MIPOL1: variants seen among roughly 807,000 people sequenced by gnomAD.
MIPOL1 encodes the protein mirror-image polydactyly 1.
In MIPOL1, 57 loss-of-function variants were observed where a neutral mutation model predicts 60.9. The observed-to-expected ratio is 0.94, with a 90% CI of 0.76 to 1.17. MIPOL1 has a LOEUF of 1.17. Among genes scored for constraint, MIPOL1 ranks in the 50% most tolerant of loss-of-function variants. The probability of loss-of-function intolerance (pLI) is 0.00; values close to 1 mark genes in which losing one functional copy is unlikely to be tolerated. For synonymous variants in MIPOL1, 179 were observed against 168.8 expected (o/e 1.06, Z -0.47); for missense variants, 551 against 511.6 (o/e 1.08, Z -0.74).
At chr14:37,217,844 C>A (rs1377200120) in intron 1 of MIPOL1, among the ~76,000 whole-genome samples, 1 of 152,136 alleles carries the variant, frequency 6.6e-6, no homozygotes, top group Non-Finnish European at 1.5e-5. Context: ...TAAGGATGCC[C>A]ACTTTCACCA....
intron 10 of MIPOL1, among the ~76,000 whole-genome samples, chr14:37,418,945 A>G (rs1424276624): frequency 6.6e-6 from 1 of 152,108 alleles, no homozygotes; most frequent in African/African-American, 2.4e-5. Flanking sequence ...ATATATCTAT[A>G]TATAGTGTAA....
chr14:37,341,184 A>G (rs1332828778), intron 9 of MIPOL1, among the ~76,000 whole-genome samples: 2 of 152,232 alleles, frequency 1.3e-5, no homozygotes, highest in Non-Finnish European at 2.9e-5. Flanking sequence ...GTATTAACCA[A>G]AATGTGACAC....
chr14:37,481,778 A>G (rs2094875211), intron 11 of MIPOL1, among the ~76,000 whole-genome samples: 2 of 152,160 alleles, frequency 1.3e-5, no homozygotes, highest in Non-Finnish European at 2.9e-5. Flanking sequence ...CCAGAAATGA[A>G]CGCTCATATA....
At chr14:37,292,464 A>AATTTTT (rs2085178552) in intron 7 of MIPOL1, among the ~76,000 whole-genome samples, 1 of 82,100 alleles carries the variant, frequency 1.2e-5, no homozygotes, top group Non-Finnish European at 2.4e-5. Context: ...TCCTTAATAA[A>AATTTTT]CTTTTTTTTT....
At chr14:37,483,352 C>A (rs1034926561) in intron 11 of MIPOL1, among the ~76,000 whole-genome samples, 1 of 151,844 alleles carries the variant, frequency 6.6e-6, no homozygotes, top group Non-Finnish European at 1.5e-5. Flanking sequence ...TGGGCTCAAG[C>A]GATCGAACTG....
intron 12 of MIPOL1, among the ~76,000 whole-genome samples, chr14:37,516,862 A>G (rs907623363): frequency 2.6e-5 from 4 of 152,152 alleles, no homozygotes; most frequent in African/African-American, 7.2e-5. Flanking sequence ...GAACCAAACA[A>G]ATGAAGCTTT....
At chr14:37,406,938 G>A (rs984970524) in intron 10 of MIPOL1, among the ~76,000 whole-genome samples, 4 of 152,070 alleles carry the variant, frequency 2.6e-5, no homozygotes, top group South Asian at 2.1e-4. Flanking sequence ...GTAAAGTAAC[G>A]GGCATCTAAC....
intron 11 of MIPOL1, among the ~76,000 whole-genome samples, chr14:37,450,027 G>A (rs2094395007): frequency 6.6e-6 from 1 of 152,116 alleles, no homozygotes; most frequent in Admixed American, 6.6e-5. Flanking sequence ...TGGCCAGGCT[G>A]GTCTCGAACT....
At chr14:37,470,370 G>A (rs1176790494) in intron 11 of MIPOL1, among the ~76,000 whole-genome samples, 1 of 152,120 alleles carries the variant, frequency 6.6e-6, no homozygotes, top group Non-Finnish European at 1.5e-5. Context: ...GTGATCCCCA[G>A]TGTTACGGGA....
intron 11 of MIPOL1, among the ~76,000 whole-genome samples, chr14:37,437,974 C>T (rs953012219): frequency 1.1e-4 from 17 of 152,090 alleles, no homozygotes; most frequent in Admixed American, 1.0e-3. Context: ...ACACAATATG[C>T]AATCATTTGA....
intron 7 of MIPOL1, among the ~76,000 whole-genome samples, chr14:37,306,133 T>TA: frequency 6.6e-6 from 1 of 152,020 alleles, no homozygotes; most frequent in Non-Finnish European, 1.5e-5. Context: ...ACAATTATCT[T>TA]AAACCTTTCC....
intron 1 of MIPOL1, among the ~76,000 whole-genome samples, chr14:37,209,858 C>T (rs2139275753): frequency 6.6e-6 from 1 of 151,794 alleles, no homozygotes; most frequent in South Asian, 2.1e-4. Flanking sequence ...TGTGCCACCA[C>T]ACCTGGCTAA....
intron 10 of MIPOL1, among the ~76,000 whole-genome samples, chr14:37,394,787 T>C (rs769820494): frequency 7.9e-5 from 12 of 152,146 alleles, no homozygotes; most frequent in Non-Finnish European, 1.6e-4. Context: ...CAACTATTTA[T>C]TTTTGTTTTT....
chr14:37,513,893 CAAAAGACTAA>C (rs1159194437), intron 12 of MIPOL1, among the ~76,000 whole-genome samples: 2 of 151,960 alleles, frequency 1.3e-5, no homozygotes, highest in Admixed American at 1.3e-4. Context: ...AGAAAAAGAA[CAAAAGACTAA>C]ATATGAGATA....
intron 12 of MIPOL1, among the ~76,000 whole-genome samples, chr14:37,514,876 A>T (rs2095357498): frequency 6.6e-6 from 1 of 152,144 alleles, no homozygotes; most frequent in South Asian, 2.1e-4. Flanking sequence ...CAGCTATCCT[A>T]AATAGACACG....
intron 11 of MIPOL1, among the ~76,000 whole-genome samples, chr14:37,424,739 C>A (rs1685143392): frequency 6.6e-6 from 1 of 152,142 alleles, no homozygotes; most frequent in South Asian, 2.1e-4. Context: ...GTATCGAAAA[C>A]CCTGATGGTG....
chr14:37,486,591 C>T (rs2094949630), intron 11 of MIPOL1, among the ~76,000 whole-genome samples: 1 of 152,140 alleles, frequency 6.6e-6, no homozygotes, highest in Admixed American at 6.5e-5. Context: ...CTCTTTGTAG[C>T]ATTTGTGAAT....
chr14:37,455,505 C>A (rs1233800598), intron 11 of MIPOL1, among the ~76,000 whole-genome samples: 1 of 152,136 alleles, frequency 6.6e-6, no homozygotes, highest in Non-Finnish European at 1.5e-5. Flanking sequence ...ATCTTTTGCT[C>A]TTGTCGTGTA....
At chr14:37,213,914 T>A (rs1967128100) in intron 1 of MIPOL1, among the ~76,000 whole-genome samples, 1 of 151,310 alleles carries the variant, frequency 6.6e-6, no homozygotes, top group African/African-American at 2.5e-5. Flanking sequence ...GTTAGTGTCA[T>A]GACATATTTA....
Sources: gnomAD v4.1 joint callset for allele counts (sites outside exome capture counted in the v4.1 genomes callset) on GRCh38, gnomAD v4.1.1 for gene constraint, MANE v1.5 for transcripts, NCBI Gene and HGNC (gene_info 2026-07-23, HGNC 2026-07-21) for gene names.